Variants in ANKS1A observed in about 807,000 individuals in gnomAD.
ANKS1A encodes the protein ankyrin repeat and SAM domain-containing protein 1A.
Under a neutral mutation model 120.3 loss-of-function variants are expected in ANKS1A, and 55 were observed. The observed-to-expected ratio is 0.46, with a 90% CI of 0.37 to 0.57. ANKS1A has a LOEUF of 0.57. Among genes scored for constraint, ANKS1A ranks in the 20% least tolerant of loss-of-function variants. ANKS1A has a pLI of 0.00. For synonymous variants in ANKS1A, 590 were observed against 604.7 expected, an observed-to-expected ratio of 0.98 and a Z score of 0.36; for missense variants, 1,123 against 1,480.3, an observed-to-expected ratio of 0.76 and a Z score of 3.96.
chr6:35,077,265 C>G (rs1416711002), intron 13 of ANKS1A, among the ~76,000 whole-genome samples: 1 of 151,976 alleles, frequency 6.6e-6, no homozygotes, highest in Non-Finnish European at 1.5e-5. Flanking sequence ...TCATGCAGCA[C>G]TGTGTGCAGT....
chr6:34,936,061 C>CAAAA (rs34851777), intron 1 of ANKS1A, among the ~76,000 whole-genome samples: 9 of 36,318 alleles, frequency 2.5e-4, no homozygotes, highest in East Asian at 1.2e-3. Flanking sequence ...GACTCCGTCT[C>CAAAA]AAAAAAAAAA....
Position 34,994,311 on chromosome 6 carries a change from A to G in ANKS1A, c.1312A>G (p.Met438Val), listed in dbSNP as rs986675244. 4 of 1,613,266 alleles carry G rather than the reference A, an allele frequency of 2.5e-6. No homozygotes were observed. The highest frequency in any genetic ancestry group is 1.7e-6 in the Non-Finnish European group (2 of 1,179,500). Residue 438 changes from methionine to valine, a missense_variant, in exon 10 of 24, where the codon ATG (methionine) becomes GTG (valine). Physicochemically the swap from Met to Val is conservative, Grantham distance 21. Around this residue, in one of 3 missense-constraint regions of ANKS1A, gnomAD observed 904 missense variants for 1,130.4 expected, o/e 0.80. Transcript: ENST00000360359. ...FPLTASEVLSMRPRIHGSAAR... is the reference protein window; with the variant it reads ...FPLTASEVLSVRPRIHGSAAR... ...TGTTTCTCTCCCTTAGGTTCTGTCCATGAGACCTAGGATTCATGGGAGTGC... is the reference window on the plus strand; with the variant it reads ...TGTTTCTCTCCCTTAGGTTCTGTCCGTGAGACCTAGGATTCATGGGAGTGC...
At chr6:34,941,164 T>G (rs1769513033) in intron 1 of ANKS1A, among the ~76,000 whole-genome samples, 1 of 151,876 alleles carries the variant, frequency 6.6e-6, no homozygotes. Flanking sequence ...ATTTTTGTAT[T>G]TTTAGTAGAG....
At chr6:35,094,069 G>A (rs1778388312), downstream of ANKS1A, among the ~76,000 whole-genome samples, 1 of 152,204 alleles carries the variant, frequency 6.6e-6, no homozygotes, top group Non-Finnish European at 1.5e-5. Flanking sequence ...AGGTGTCAGT[G>A]GAGGCCAGGT....
chr6:35,015,214 G>A (rs1021543675), intron 10 of ANKS1A, among the ~76,000 whole-genome samples: 1 of 152,086 alleles, frequency 6.6e-6, no homozygotes, highest in Non-Finnish European at 1.5e-5. Flanking sequence ...GTGTAGAGGA[G>A]GGGCCCAACA....
intron 1 of ANKS1A, among the ~76,000 whole-genome samples, chr6:34,918,243 C>T (rs1768267684): frequency 6.6e-6 from 1 of 152,104 alleles, no homozygotes; most frequent in Admixed American, 6.5e-5. Flanking sequence ...TGGGAGAAGT[C>T]GTGTGTGTAG....
At chr6:34,918,041 C>T (rs1026018826) in intron 1 of ANKS1A, among the ~76,000 whole-genome samples, 5 of 152,126 alleles carry the variant, frequency 3.3e-5, no homozygotes, top group Admixed American at 2.0e-4. Flanking sequence ...CCCTCTCTGC[C>T]GTGTTCTACC....
intron 1 of ANKS1A, among the ~76,000 whole-genome samples, chr6:34,929,383 G>C (rs1034773086): frequency 2.0e-5 from 3 of 152,156 alleles, no homozygotes; most frequent in African/African-American, 7.2e-5. Context: ...TGATTTCCCT[G>C]TTTAGCAGTA....
intron 1 of ANKS1A, among the ~76,000 whole-genome samples, chr6:34,892,521 T>C (rs374601680): frequency 6.6e-6 from 1 of 152,240 alleles, no homozygotes; most frequent in African/African-American, 2.4e-5. Flanking sequence ...GAGCTTACAG[T>C]TGCAGTGGAA....
At chr6:35,065,060 T>C (rs919494355) in intron 13 of ANKS1A, among the ~76,000 whole-genome samples, 1 of 152,158 alleles carries the variant, frequency 6.6e-6, no homozygotes, top group African/African-American at 2.4e-5. Flanking sequence ...AATTCCTCGC[T>C]ATCCCAGGAG....
At chr6:34,891,627 A>G (rs1160696355) in intron 1 of ANKS1A, among the ~76,000 whole-genome samples, 1 of 151,988 alleles carries the variant, frequency 6.6e-6, no homozygotes, top group African/African-American at 2.4e-5. Flanking sequence ...CACAGGTCAA[A>G]TTATTCTTTT....
Position 35,091,302 on chromosome 6 carries a change from G to T in ANKS1A, c.*2693G>T. 5.1e-6 allele frequency: 5 copies of T among 985,848 alleles called. No individual in the cohort carries two copies. Among genetic ancestry groups the T allele is most frequent in the Non-Finnish European group, 6.0e-6 (5 of 829,942 alleles). 61.1% of individuals were successfully genotyped at this position (985,848 alleles called of 1,614,324 possible). A position where few individuals can be genotyped will look rare whatever the true frequency, so the allele number is the denominator to read the frequency against. On this transcript the variant is annotated 3_prime_UTR_variant, in exon 24 of 24. Coordinates refer to ENST00000360359, the MANE Select transcript of ANKS1A (RefSeq NM_015245.3). ...AACATAGACTGACCTCAGTACCCAAGAGAGTGTAAATATTTCTGGGCTTCC... is the reference window on the plus strand; with the variant it reads ...AACATAGACTGACCTCAGTACCCAATAGAGTGTAAATATTTCTGGGCTTCC...
At chr6:34,912,595 T>C (rs1767958668) in intron 1 of ANKS1A, among the ~76,000 whole-genome samples, 1 of 152,176 alleles carries the variant, frequency 6.6e-6, no homozygotes, top group South Asian at 2.1e-4. Context: ...GAGTACTGTA[T>C]AGATTGAAAT....
At chr6:35,092,241 C>G (rs1778330854), downstream of ANKS1A, among the ~76,000 whole-genome samples, 2 of 152,236 alleles carry the variant, frequency 1.3e-5, no homozygotes, top group South Asian at 4.1e-4. Context: ...TCAACCCCAG[C>G]TGCCTAGCAC....
intron 13 of ANKS1A, among the ~76,000 whole-genome samples, chr6:35,061,561 A>C (rs1039314104): frequency 1.3e-5 from 2 of 152,158 alleles, no homozygotes; most frequent in Admixed American, 6.5e-5. Context: ...AGCTGGCCTG[A>C]GGCTTCCAGG....
chr6:35,093,108 A>T (rs1778356896), downstream of ANKS1A, among the ~76,000 whole-genome samples: 1 of 151,992 alleles, frequency 6.6e-6, no homozygotes, highest in African/African-American at 2.4e-5. Context: ...TCAACTAACA[A>T]CAAGGAAAGC....
intron 11 of ANKS1A, among the ~76,000 whole-genome samples, chr6:35,018,440 G>C (rs781408023): frequency 1.3e-5 from 2 of 152,140 alleles, no homozygotes; most frequent in Non-Finnish European, 2.9e-5. Context: ...AAAAAGAGAA[G>C]ATCCAGGGTT....
At chr6:35,032,959 G>A (rs563051893) in intron 11 of ANKS1A, among the ~76,000 whole-genome samples, 6 of 152,234 alleles carry the variant, frequency 3.9e-5, no homozygotes, top group South Asian at 2.1e-4. Flanking sequence ...AAGCTGGTTC[G>A]GAAAGGGGGA....
At chr6:35,062,654 C>T (rs930328899) in intron 13 of ANKS1A, among the ~76,000 whole-genome samples, 6 of 152,114 alleles carry the variant, frequency 3.9e-5, no homozygotes, top group African/African-American at 1.4e-4. Flanking sequence ...TAGGGCCCTG[C>T]GAGTTGTCAT....
Sources: allele counts gnomAD v4.1 joint callset (sites outside exome capture counted in the v4.1 genomes callset), GRCh38; gene constraint gnomAD v4.1.1; regional missense constraint gnomAD v4.1.1; transcripts MANE v1.5; gene names NCBI Gene and HGNC (gene_info 2026-07-23, HGNC 2026-07-21).